Variants in LRP2 observed in about 807,000 individuals in gnomAD.
The protein encoded by LRP2 is LDL receptor related protein 2.
A neutral mutation model predicts 531.0 loss-of-function variants in LRP2; 172 were observed. That is an observed-to-expected ratio of 0.32 (90% CI 0.29 to 0.37). The LOEUF (loss-of-function observed/expected upper bound fraction) is 0.37, where lower values mean the gene tolerates loss of function less well. LRP2 is among the 10% of genes least tolerant of loss of function. The probability of loss-of-function intolerance (pLI) is 1.00; values close to 1 mark genes in which losing one functional copy is unlikely to be tolerated. For synonymous variants in LRP2, 1,992 were observed against 2,027.6 expected, an observed-to-expected ratio of 0.98 and a Z score of 0.47; for missense variants, 5,167 against 5,868.3, an observed-to-expected ratio of 0.88 and a Z score of 3.90.
chr2:169,221,311 G>C (rs1238022960), intron 33 of LRP2, among the ~76,000 whole-genome samples: 2 of 152,046 alleles, frequency 1.3e-5, no homozygotes, highest in Admixed American at 6.6e-5. Flanking sequence ...TATTGTATTC[G>C]ATCCTCATAA....
intron 58 of LRP2, among the ~76,000 whole-genome samples, chr2:169,171,039 G>GTGTGT (rs2105277040): frequency 6.7e-6 from 1 of 150,126 alleles, no homozygotes; most frequent in South Asian, 2.1e-4. Context: ...GGGACTGCAG[G>GTGTGT]TGTGTTCCAC....
chr2:169,280,545 C>CTTCTTCTGAAGG, intron 10 of LRP2, 26 bp from the exon 11 acceptor site: 1 of 1,610,488 alleles, frequency 6.2e-7, no homozygotes, highest in Non-Finnish European at 8.5e-7. Context: ...GAAGGCATCA[C>CTTCTTCTGAAGG]CACTCCTTCA....
At chr2:169,147,404 T>C (rs1397819865) in intron 68 of LRP2, among the ~76,000 whole-genome samples, 1 of 152,028 alleles carries the variant, frequency 6.6e-6, no homozygotes, top group Non-Finnish European at 1.5e-5. Context: ...CTCACTACAC[T>C]CCTGGGCTCA....
chr2:169,177,774 C>G, intron 53 of LRP2, 29 bp downstream of exon 53: 4 of 1,598,484 alleles, frequency 2.5e-6, no homozygotes, highest in Non-Finnish European at 3.4e-6. Context: ...CCAAGGCAAC[C>G]TTGCCAAACC....
chr2:169,217,746 T>C (rs974729165), intron 34 of LRP2, among the ~76,000 whole-genome samples: 3 of 152,198 alleles, frequency 2.0e-5, no homozygotes, highest in African/African-American at 7.2e-5. Context: ...TATTGACTAT[T>C]TCAAGTCATT....
At chr2:169,291,063 T>C in intron 7 of LRP2, 66 bp from the exon 8 acceptor site, 1 of 1,455,316 alleles carries the variant, frequency 6.9e-7, no homozygotes, top group Non-Finnish European at 9.5e-7. Flanking sequence ...TGTTAATCAG[T>C]GGTTTACAGA....
chr2:169,237,004 T>A lies in LRP2; in HGVS notation c.4691+99A>T, dbSNP rs951209531. The stretch of plus-strand genomic sequence containing the variant: ...TTAAACAAGGGATCATTTTAAATTT[T>A]GCATATCAGCAACATGCATATCAGC... On this transcript the variant is annotated intron_variant, in intron 28 of 78. Transcript: ENST00000649046. 8.0e-6 allele frequency: 8 copies of A among 999,208 alleles called. No individual in the cohort carries two copies. The Admixed American group carries it at 1.1e-4, about 13-fold the overall frequency. The allele number at this position is 999,208 out of a possible 1,614,324, so 61.9% of individuals were successfully genotyped here. A position where few individuals can be genotyped will look rare whatever the true frequency, so the allele number is the denominator to read the frequency against.
intron 72 of LRP2, 49 bp downstream of exon 72, chr2:169,140,406 C>A (rs754229127): frequency 1.4e-6 from 2 of 1,460,660 alleles, no homozygotes; most frequent in African/African-American, 2.8e-5. Context: ...TCTCAAATTT[C>A]CCCAGAAGAG....
In LRP2 at chr2:169,317,652, C is replaced by A. The variant is rs115695406; in HGVS notation, c.310+1110G>T. On this transcript the variant is annotated intron_variant, in intron 3 of 78. Transcript: ENST00000649046. ...TTTCTTTCCTTGCAGCCAAAAACAT[C>A]CACAATGATACAAGAATGATTTTAA... Among the ~76,000 whole-genome samples the A allele has an allele frequency of 3.8e-3, 582 of 152,154 alleles. 8 individuals are homozygous for A. The highest frequency in any genetic ancestry group is 0.013 in the African/African-American group (554 of 41,510).
intron 42 of LRP2, 101 bp downstream of exon 42, chr2:169,203,881 A>T: frequency 7.9e-7 from 1 of 1,272,976 alleles, no homozygotes; most frequent in Non-Finnish European, 1.1e-6. Context: ...GACATCAAGG[A>T]GAATTTGAAT....
chr2:169,283,155 A>T (rs2105454982), intron 9 of LRP2, among the ~76,000 whole-genome samples, 154 bp from the exon 10 acceptor site: 1 of 152,362 alleles, frequency 6.6e-6, no homozygotes, highest in East Asian at 1.9e-4. Context: ...GAGAATTTAT[A>T]ACAACCATCT....
chr2:169,347,306 G>A (rs1268163323), intron 1 of LRP2, among the ~76,000 whole-genome samples: 1 of 152,080 alleles, frequency 6.6e-6, no homozygotes, highest in Non-Finnish European at 1.5e-5. Context: ...AGATACTTTG[G>A]GACCAAGAGA....
Position 169,226,433 on chromosome 2 carries a change from C to T in LRP2, c.5383G>A (p.Val1795Ile), listed in dbSNP as rs1689202359. ...FDDAEQYIYW[V>I]ENPGEIHRVK... ...TATTCAAAACTTACTGGATTTTCAACCCAATAGATGTATTGCTCAGCATCA... is the reference window on the plus strand; with the variant it reads ...TATTCAAAACTTACTGGATTTTCAATCCAATAGATGTATTGCTCAGCATCA... Residue 1795 changes from valine (V) to isoleucine (I), a missense_variant, in exon 32 of 79, where the codon GTT (valine) becomes ATT (isoleucine). Val to Ile is a conservative substitution (Grantham distance 29). This residue lies in a region of LRP2 where 2,811 missense variants were observed against 3,058.0 expected (regional missense o/e 0.92). Transcript: ENST00000649046. The T allele has an allele frequency of 6.2e-7, 1 of 1,612,880 alleles. No individual in the cohort carries two copies. Among genetic ancestry groups the T allele is most frequent in the African/African-American group, 1.3e-5 (1 of 74,890 alleles).
rs1308174955 is a variant in LRP2 at position 169,205,613 on chromosome 2, A to G, written c.7581T>C (p.Asp2527=). The part of the protein sequence containing the change: ...CQGYLYWADW[D]THAKIERATL... ...TGGCTCTCTCGATTTTGGCATGTGT[A>G]TCCCAGTCAGCCCAGTACAGGTACC... The change falls in exon 41 of 79, where the codon GAT becomes GAC. Residue 2527 remains aspartate (D), a synonymous_variant. Coordinates refer to ENST00000649046, the MANE Select transcript of LRP2 (RefSeq NM_004525.3). The G allele has an allele frequency of 6.2e-7, 1 of 1,614,008 alleles. No homozygotes were observed. Among genetic ancestry groups the G allele is most frequent in the Non-Finnish European group, 8.5e-7 (1 of 1,179,970 alleles).
chr2:169,171,231 T>G (rs1686993253), intron 58 of LRP2, among the ~76,000 whole-genome samples: 1 of 152,190 alleles, frequency 6.6e-6, no homozygotes, highest in Non-Finnish European at 1.5e-5. Context: ...CTCTCATTGC[T>G]TATCGCAAGT....
chr2:169,328,441 TAAAAAAAAAAA>T (rs537210492), intron 1 of LRP2, among the ~76,000 whole-genome samples: 8 of 49,144 alleles, frequency 1.6e-4, no homozygotes, highest in Admixed American at 5.2e-4. Context: ...CGGGCCGGGA[TAAAAAAAAAAA>T]AAAAAAAAAA....
intron 3 of LRP2, among the ~76,000 whole-genome samples, chr2:169,307,891 G>C (rs763469637): frequency 3.3e-5 from 5 of 151,952 alleles, no homozygotes; most frequent in African/African-American, 9.7e-5. Context: ...ATTTTATAAA[G>C]AGAAAAAAAT....
intron 3 of LRP2, among the ~76,000 whole-genome samples, chr2:169,315,353 A>G (rs896218447): frequency 2.0e-5 from 3 of 152,206 alleles, no homozygotes; most frequent in Admixed American, 2.0e-4. Flanking sequence ...AGAACCATCA[A>G]TCCAGGAACT....
In LRP2 at chr2:169,181,486, A is replaced by T. The variant is rs1687429233; in HGVS notation, c.10131T>A (p.Asp3377Glu). The part of the protein sequence containing the change: ...PNGITIDYTN[D>E]LLYWADAHLG... ...GGTGGGCATCTGCCCAGTAGAGTAG[A>T]TCATTGGTGTAATCAATGGTGATGC... Residue 3377 changes from aspartate to glutamate, a missense_variant, in exon 52 of 79, where the codon GAT becomes GAA. Physicochemically the swap from Asp to Glu is conservative, Grantham distance 45. Around this residue, in one of 6 missense-constraint regions of LRP2, gnomAD observed 1,129 missense variants for 1,362.7 expected, o/e 0.83. Coordinates refer to ENST00000649046, the MANE Select transcript of LRP2 (RefSeq NM_004525.3). 1.2e-6 allele frequency: 2 copies of T among 1,614,076 alleles called. No homozygotes were observed. The highest frequency in any genetic ancestry group is 2.7e-5 in the African/African-American group (2 of 74,940).
Sources: gnomAD v4.1 joint callset for allele counts (sites outside exome capture counted in the v4.1 genomes callset) on GRCh38, gnomAD v4.1.1 for gene constraint, gnomAD v4.1.1 regional missense constraint, MANE v1.5 for transcripts, NCBI Gene and HGNC (gene_info 2026-07-23, HGNC 2026-07-21) for gene names.